Variants in CSMD1 observed in about 807,000 individuals in gnomAD.
The protein encoded by CSMD1 is CUB and Sushi multiple domains 1.
In CSMD1, 213 loss-of-function variants were observed where a neutral mutation model predicts 417.5. The ratio of observed to expected loss-of-function variants is 0.51; its 90% CI spans 0.46 to 0.57. The LOEUF is 0.57. Among genes scored for constraint, CSMD1 ranks in the 20% least tolerant of loss-of-function variants. The pLI is 0.00. For synonymous variants in CSMD1, 2,862 were observed against 1,736.8 expected, an observed-to-expected ratio of 1.65 and a Z score of -16.11; for missense variants, 6,923 against 4,529.7, an observed-to-expected ratio of 1.53 and a Z score of -15.17.
intron 1 of CSMD1, among the ~76,000 whole-genome samples, chr8:4,982,249 A>G (rs1374507827): frequency 6.6e-6 from 1 of 152,246 alleles, no homozygotes; most frequent in South Asian, 2.1e-4. Context: ...TGCGTTTGCA[A>G]TAATAATGTT....
At chr8:3,543,076 C>A (rs897942791) in intron 10 of CSMD1, among the ~76,000 whole-genome samples, 4 of 152,138 alleles carry the variant, frequency 2.6e-5, no homozygotes, top group African/African-American at 9.7e-5. Context: ...ACAACCAGTG[C>A]AAAGGGAACC....
intron 2 of CSMD1, among the ~76,000 whole-genome samples, chr8:4,503,292 T>G (rs1324150851): frequency 3.9e-5 from 6 of 152,138 alleles, no homozygotes; most frequent in Non-Finnish European, 5.9e-5. Context: ...TAAGAAGGTG[T>G]TGAAGTATTT....
intron 5 of CSMD1, among the ~76,000 whole-genome samples, chr8:3,871,811 G>A (rs892808975): frequency 6.6e-6 from 1 of 152,194 alleles, no homozygotes; most frequent in South Asian, 2.1e-4. Context: ...TGAATGAAGT[G>A]TGAAGCTTGT....
At chr8:3,634,181 G>C (rs965387861) in intron 7 of CSMD1, among the ~76,000 whole-genome samples, 4 of 152,136 alleles carry the variant, frequency 2.6e-5, no homozygotes, top group Non-Finnish European at 5.9e-5. Flanking sequence ...GAGTGTCTTC[G>C]TTTACCTGGG....
chr8:3,280,506 C>T (rs992018688), intron 26 of CSMD1, among the ~76,000 whole-genome samples: 1 of 152,048 alleles, frequency 6.6e-6, no homozygotes, highest in African/African-American at 2.4e-5. Context: ...CATTTAAATG[C>T]CTCAGAGTCA....
At chr8:3,854,390 G>C (rs999607228) in intron 5 of CSMD1, among the ~76,000 whole-genome samples, 2 of 151,906 alleles carry the variant, frequency 1.3e-5, no homozygotes, top group Non-Finnish European at 2.9e-5. Context: ...ATGAATTAAA[G>C]TATCATATTT....
intron 10 of CSMD1, among the ~76,000 whole-genome samples, chr8:3,512,399 AG>A (rs1446172056): frequency 6.6e-6 from 1 of 152,118 alleles, no homozygotes; most frequent in Non-Finnish European, 1.5e-5. Flanking sequence ...CTCTCCCCAT[AG>A]ACAGGCTTTT....
intron 37 of CSMD1, among the ~76,000 whole-genome samples, chr8:3,171,676 A>G (rs954701762): frequency 6.6e-6 from 1 of 152,240 alleles, no homozygotes; most frequent in African/African-American, 2.4e-5. Flanking sequence ...TAAAGTGAGT[A>G]AGAATATCCT....
At chr8:4,297,982 G>C (rs1179181316) in intron 3 of CSMD1, among the ~76,000 whole-genome samples, 1 of 152,132 alleles carries the variant, frequency 6.6e-6, no homozygotes, top group Non-Finnish European at 1.5e-5. Flanking sequence ...ATATGGTGAA[G>C]AGGTGCTAAA....
intron 1 of CSMD1, among the ~76,000 whole-genome samples, chr8:4,912,283 C>T (rs1232217217): frequency 1.3e-5 from 2 of 151,846 alleles, no homozygotes; most frequent in Non-Finnish European, 2.9e-5. Flanking sequence ...GTAGATTGTA[C>T]TAAAATGACG....
chr8:4,372,263 G>A (rs923298004), intron 3 of CSMD1, among the ~76,000 whole-genome samples: 6 of 152,118 alleles, frequency 3.9e-5, no homozygotes, highest in Non-Finnish European at 8.8e-5. Flanking sequence ...CATAACGTCG[G>A]CTCTCCATTT....
chr8:4,011,122 A>G (rs1816503523), intron 4 of CSMD1, among the ~76,000 whole-genome samples: 1 of 152,188 alleles, frequency 6.6e-6, no homozygotes. Context: ...AAGATAAATT[A>G]TGTAATCTAT....
intron 1 of CSMD1, among the ~76,000 whole-genome samples, chr8:4,705,857 C>A (rs1247683444): frequency 6.6e-6 from 1 of 151,996 alleles, no homozygotes; most frequent in African/African-American, 2.4e-5. Flanking sequence ...CCTGGGGGCA[C>A]TTTAAAATAT....
intron 49 of CSMD1, among the ~76,000 whole-genome samples, chr8:3,084,211 A>G (rs930810683): frequency 6.6e-6 from 1 of 152,098 alleles, no homozygotes; most frequent in Non-Finnish European, 1.5e-5. Flanking sequence ...TTAGGGAAGT[A>G]TATACAGCGT....
chr8:3,603,265 C>T (rs528283794), intron 8 of CSMD1, among the ~76,000 whole-genome samples: 2 of 152,266 alleles, frequency 1.3e-5, no homozygotes, highest in South Asian at 2.1e-4. Flanking sequence ...CATGAATCCT[C>T]CTTCAAAAGC....
chr8:4,453,636 G>A (rs905475026), intron 2 of CSMD1, among the ~76,000 whole-genome samples: 1 of 151,924 alleles, frequency 6.6e-6, no homozygotes, highest in Non-Finnish European at 1.5e-5. Context: ...TATAGAACTG[G>A]CATGTGTATC....
rs1200665322 is a variant in CSMD1 at position 3,189,865 on chromosome 8, C to A, written c.5398+47G>T. 3.4e-6 allele frequency: 5 copies of A among 1,472,928 alleles called. No individual in the cohort carries two copies. The South Asian group carries it at 4.9e-5, about 14-fold the overall frequency. 91.2% of individuals were successfully genotyped at this position (1,472,928 alleles called of 1,614,324 possible). On this transcript the variant is annotated intron_variant, in intron 34 of 69. Transcript: ENST00000635120. ...AGAAACATGAGAAGTAACTCTTTGG[C>A]ACCACCACAGAGTTCTGGCGGGCAG... is the stretch of plus-strand genomic sequence containing the variant.
At chr8:3,625,024 T>A (rs982648660) in intron 7 of CSMD1, among the ~76,000 whole-genome samples, 1 of 152,134 alleles carries the variant, frequency 6.6e-6, no homozygotes, top group Non-Finnish European at 1.5e-5. Flanking sequence ...CATAAGAGGA[T>A]AATTTTGATT....
At chr8:4,544,236 A>G (rs868836357) in intron 2 of CSMD1, among the ~76,000 whole-genome samples, 14 of 152,132 alleles carry the variant, frequency 9.2e-5, no homozygotes, top group African/African-American at 3.1e-4. Flanking sequence ...TTGTGTGGTT[A>G]TATAGTCTCG....
Sources: allele counts gnomAD v4.1 joint callset (sites outside exome capture counted in the v4.1 genomes callset), GRCh38; gene constraint gnomAD v4.1.1; transcripts MANE v1.5; gene names NCBI Gene and HGNC (gene_info 2026-07-23, HGNC 2026-07-21).